MDM2: variants seen among roughly 807,000 people sequenced by gnomAD.
The protein encoded by MDM2 is E3 ubiquitin-protein ligase Mdm2.
MDM2 carries 11 observed loss-of-function variants against 64.3 expected under a neutral mutation model. The ratio of observed to expected loss-of-function variants is 0.17; its 90% CI spans 0.11 to 0.28. MDM2 has a LOEUF of 0.28. MDM2 is among the 10% of genes least tolerant of loss of function. The pLI is 1.00. For missense variants in MDM2, 388 were observed against 577.1 expected (o/e 0.67, Z 3.36); for synonymous variants, 194 against 192.9 (o/e 1.01, Z -0.05).
chr12:68,830,898 A>G lies in MDM2; in HGVS notation c.684+1967A>G, dbSNP rs144653975. Among the ~76,000 whole-genome samples, 205 of 152,142 alleles carry G rather than the reference A, an allele frequency of 1.3e-3. 1 individual carries two copies. The highest frequency in any genetic ancestry group is 2.4e-3 in the Admixed American group (37 of 15,282). On this transcript the variant is annotated intron_variant, in intron 8 of 10. Transcript: ENST00000258149. ...GTATTTTTAGTAGAGATGGGGTTTC[A>G]CTATGTTGGCCAGGCTGGTCTTGAG...
Position 68,833,149 on chromosome 12 carries a change from A to AATATAT in MDM2, c.685-2667_685-2662dup, listed in dbSNP as rs57734852. Among the ~76,000 whole-genome samples, 312 of 65,940 alleles carry AATATAT rather than the reference A, an allele frequency of 4.7e-3. 3 individuals carry two copies. The highest frequency in any genetic ancestry group is 0.024 in the Middle Eastern group (2 of 84). The allele number at this position is 65,940 out of a possible 152,430, so 43.3% of individuals were successfully genotyped here. On this transcript the variant is annotated intron_variant, in intron 8 of 10. Coordinates refer to ENST00000258149, the MANE Select transcript of MDM2 (RefSeq NM_002392.6). ...TCCAAAAAAAAAAAAAAAAAAAAAAAATATATATATATATATATTTATATT... is the reference window on the plus strand; with the variant it reads ...TCCAAAAAAAAAAAAAAAAAAAAAAAATATATATATATATATATATATATTTATATT...
chr12:68,843,261 A>G lies in MDM2; in HGVS notation c.*3412A>G, dbSNP rs751458930. The G allele has an allele frequency of 2.6e-5, 6 of 227,604 alleles. No homozygotes were observed. The highest frequency in any genetic ancestry group is 5.2e-5 in the Non-Finnish European group (6 of 114,736). The allele number at this position is 227,604 out of a possible 1,614,324, so 14.1% of individuals were successfully genotyped here. A position where few individuals can be genotyped will look rare whatever the true frequency, so the allele number is the denominator to read the frequency against. ...TCCAAATAATGCTTTGAGGACCTCC[A>G]AAGGTAAAAGTACTAATCCCTTTGG... On this transcript the variant is annotated 3_prime_UTR_variant, in exon 11 of 11. Coordinates refer to ENST00000258149, the MANE Select transcript of MDM2 (RefSeq NM_002392.6).
intron 8 of MDM2, among the ~76,000 whole-genome samples, chr12:68,829,170 A>G (rs1476619333): frequency 6.6e-6 from 1 of 152,258 alleles, no homozygotes; most frequent in Non-Finnish European, 1.5e-5. Flanking sequence ...TAGTAGTATT[A>G]GTAATTATCA....
chr12:68,828,973 A>G, intron 8 of MDM2, 42 bp downstream of exon 8: 3 of 1,596,486 alleles, frequency 1.9e-6, no homozygotes, highest in South Asian at 1.1e-5. Flanking sequence ...CTTACTGTTC[A>G]AAGTCTAGTC....
chr12:68,834,480 T>C (rs1033126577), intron 8 of MDM2, among the ~76,000 whole-genome samples: 3 of 151,566 alleles, frequency 2.0e-5, no homozygotes, highest in Non-Finnish European at 2.9e-5. Context: ...CTCACACCTG[T>C]AATCCTAACA....
chr12:68,843,725 CAATA>C lies in MDM2; in HGVS notation c.*3880_*3883del, dbSNP rs1884014002. On this transcript the variant is annotated 3_prime_UTR_variant, in exon 11 of 11. Coordinates refer to ENST00000258149, the MANE Select transcript of MDM2 (RefSeq NM_002392.6). ...TCTCTCTCTCTCTCTCTGTCTGTCT[CAATA>C]AATGGCCAAAGGGATTAGTAGTTTA... 1 of 223,580 alleles carries C rather than the reference CAATA, an allele frequency of 4.5e-6. No homozygotes were observed. Among genetic ancestry groups the C allele is most frequent in the African/African-American group, 2.2e-5 (1 of 44,534 alleles). The allele number at this position is 223,580 out of a possible 1,614,324, so 13.8% of individuals were successfully genotyped here. A position where few individuals can be genotyped will look rare whatever the true frequency, so the allele number is the denominator to read the frequency against.
At chr12:68,821,044 CTTTT>C (rs36054804) in intron 5 of MDM2, among the ~76,000 whole-genome samples, 6 of 103,818 alleles carry the variant, frequency 5.8e-5, no homozygotes, top group Admixed American at 1.1e-4. Context: ...ACACAGTTTG[CTTTT>C]TTTTTTTTTT....
intron 3 of MDM2, among the ~76,000 whole-genome samples, chr12:68,816,261 T>A (rs73334683): frequency 0.096 from 14,592 of 151,742 alleles, 2,347 homozygotes; most frequent in African/African-American, 0.33. Context: ...AGAGTTAAAG[T>A]CTACAAGGAA....
intron 3 of MDM2, chr12:68,815,816 A>G (rs962897787): frequency 1.2e-5 from 2 of 172,478 alleles, no homozygotes; most frequent in African/African-American, 4.8e-5. Flanking sequence ...ATAAAAGTAC[A>G]TTGTAAACTG....
intron 5 of MDM2, among the ~76,000 whole-genome samples, chr12:68,823,256 G>T (rs74098266): frequency 6.6e-6 from 1 of 151,988 alleles, no homozygotes; most frequent in African/African-American, 2.4e-5. Flanking sequence ...GTTTCCAAGG[G>T]GGGTAGTAAA....
chr12:68,811,757 A>G (rs1433246622), intron 2 of MDM2, among the ~76,000 whole-genome samples: 1 of 151,938 alleles, frequency 6.6e-6, no homozygotes, highest in South Asian at 2.1e-4. Context: ...ACCCACCTCC[A>G]CACCCGGATA....
chr12:68,850,268 A>T (rs559961699), downstream of MDM2: 1 of 149,926 alleles, frequency 6.7e-6, no homozygotes, highest in Non-Finnish European at 1.5e-5. Context: ...CCTGGGTGAC[A>T]GAGCGAGACT....
intron 2 of MDM2, among the ~76,000 whole-genome samples, chr12:68,810,449 A>G (rs1438930496): frequency 6.6e-6 from 1 of 151,892 alleles, no homozygotes; most frequent in Non-Finnish European, 1.5e-5. Context: ...AATATCACCA[A>G]TCTTTAATTA....
chr12:68,846,976 C>A (rs909621671), downstream of MDM2: 4 of 151,628 alleles, frequency 2.6e-5, no homozygotes, highest in East Asian at 7.7e-4. Flanking sequence ...CCCTACTCCA[C>A]CTTGAAGTTT....
At chr12:68,829,038 T>C in intron 8 of MDM2, 107 bp downstream of exon 8, 1 of 1,124,170 alleles carries the variant, frequency 8.9e-7, no homozygotes, top group Non-Finnish European at 1.3e-6. Context: ...ACGAGATTGA[T>C]AGAAAACACA....
At chr12:68,813,697 C>A (rs952788124) in intron 3 of MDM2, 69 bp downstream of exon 3, 1 of 1,139,224 alleles carries the variant, frequency 8.8e-7, no homozygotes, top group East Asian at 2.5e-5. Flanking sequence ...TTTTCAAGAC[C>A]ATGTGGAGAA....
chr12:68,839,930 A>T lies in MDM2; in HGVS notation c.*81A>T, dbSNP rs1456777197. On this transcript the variant is annotated 3_prime_UTR_variant, in exon 11 of 11. Transcript: ENST00000258149. The stretch of plus-strand genomic sequence containing the variant: ...GACAACCTGAAATTTATTCACATAT[A>T]TCAAAGTGAGAAAATGCCTCAATTC... 1.6e-6 allele frequency: 2 copies of T among 1,283,840 alleles called. No individual in the cohort carries two copies. The highest frequency in any genetic ancestry group is 2.1e-6 in the Non-Finnish European group (2 of 936,536). The allele number at this position is 1,283,840 out of a possible 1,614,324, so 79.5% of individuals were successfully genotyped here.
At chr12:68,830,047 T>C (rs1334543041) in intron 8 of MDM2, among the ~76,000 whole-genome samples, 1 of 151,234 alleles carries the variant, frequency 6.6e-6, no homozygotes, top group Non-Finnish European at 1.5e-5. Context: ...ATAAACTTTC[T>C]TAAAATATTA....
At chr12:68,825,514 G>A (rs1385963646) in intron 7 of MDM2, among the ~76,000 whole-genome samples, 4 of 152,152 alleles carry the variant, frequency 2.6e-5, no homozygotes, top group East Asian at 1.9e-4. Context: ...TTAGCTGGAT[G>A]TGGTGGCGGG....
Sources: gnomAD v4.1 joint callset for allele counts (sites outside exome capture counted in the v4.1 genomes callset) on GRCh38, gnomAD v4.1.1 for gene constraint, MANE v1.5 for transcripts, NCBI Gene and HGNC (gene_info 2026-07-23, HGNC 2026-07-21) for gene names.